The following ABCA1 variants were observed in gnomAD, a reference collection of about 807,000 sequenced individuals.
The protein encoded by ABCA1 is ATP binding cassette subfamily A member 1.
ABCA1 carries 133 observed loss-of-function variants against 262.5 expected under a neutral mutation model. The ratio of observed to expected loss-of-function variants is 0.51; its 90% CI spans 0.44 to 0.59. The LOEUF (loss-of-function observed/expected upper bound fraction) is 0.59. Among genes scored for constraint, ABCA1 ranks in the 20% least tolerant of loss-of-function variants. ABCA1 has a pLI of 0.00. For synonymous variants in ABCA1, 1,022 were observed against 1,043.5 expected, an observed-to-expected ratio of 0.98 and a Z score of 0.40; for missense variants, 2,452 against 2,777.5, an observed-to-expected ratio of 0.88 and a Z score of 2.63.
chr9:104,845,351 T>C (rs1302557551), intron 8 of ABCA1, 126 bp downstream of exon 8: 2 of 729,034 alleles, frequency 2.7e-6, no homozygotes, highest in Non-Finnish European at 5.0e-6. Flanking sequence ...ACATCACTTA[T>C]ACTTTGAAAA....
intron 39 of ABCA1, 52 bp from the exon 40 acceptor site, chr9:104,794,562 C>G (rs373853594): frequency 6.3e-7 from 1 of 1,574,808 alleles, no homozygotes; most frequent in Non-Finnish European, 8.6e-7. Flanking sequence ...GGAGAAGAAA[C>G]GGGTGTCATT....
At chr9:104,845,803 A>C (rs1564172684) in intron 7 of ABCA1, among the ~76,000 whole-genome samples, 1 of 152,226 alleles carries the variant, frequency 6.6e-6, no homozygotes, top group Admixed American at 6.5e-5. Context: ...TATTGTACTT[A>C]AAACTAGTTA....
intron 30 of ABCA1, among the ~76,000 whole-genome samples, chr9:104,808,309 C>G (rs1830976645): frequency 6.6e-6 from 1 of 152,174 alleles, no homozygotes; most frequent in Admixed American, 6.5e-5. Context: ...CCTACAGAGC[C>G]TTCCTAAGCT....
intron 5 of ABCA1, among the ~76,000 whole-genome samples, chr9:104,862,653 CCGGG>C (rs1564198244): frequency 0.04 from 143 of 3,580 alleles, 30 homozygotes; most frequent in African/African-American, 0.15. Flanking sequence ...CCGGGCCGGG[CCGGG>C]CCGGGCCGGG....
Position 104,821,458 on chromosome 9 carries a change from G to A in ABCA1, c.2877C>T (p.Ile959=), listed in dbSNP as rs147493554. 3.7e-6 allele frequency: 6 copies of A among 1,613,984 alleles called. No homozygotes were observed. In the African/African-American group the frequency reaches 6.7e-5, roughly 18 times the overall value. ...TCTCAGAGCGAATGTCTTTTCCCAG[G>A]ATGTAGGCGGTGCCCGAGGTCGGGG... ...LFPPTSGTAY[I]LGKDIRSEMS... is the part of the protein sequence containing the mutation. The change falls in exon 20 of 50, where the codon ATC becomes ATT. Residue 959 remains isoleucine, a synonymous_variant. Coordinates refer to ENST00000374736, the MANE Select transcript of ABCA1 (RefSeq NM_005502.4).
At chr9:104,889,939 A>G (rs1430657973) in intron 2 of ABCA1, among the ~76,000 whole-genome samples, 3 of 152,220 alleles carry the variant, frequency 2.0e-5, no homozygotes, top group African/African-American at 7.2e-5. Flanking sequence ...ACTTCTAAAC[A>G]AGCATGATAC....
chr9:104,847,183 T>C (rs1834965423), intron 7 of ABCA1, among the ~76,000 whole-genome samples: 1 of 152,160 alleles, frequency 6.6e-6, no homozygotes, highest in Non-Finnish European at 1.5e-5. Flanking sequence ...ATCCACTTCT[T>C]TTATAAGGAC....
intron 1 of ABCA1, among the ~76,000 whole-genome samples, chr9:104,922,531 C>T (rs549174416): frequency 7.7e-4 from 117 of 152,288 alleles, no homozygotes; most frequent in Middle Eastern, 3.4e-3. Context: ...ATAAAAGCAC[C>T]TATTTCACTC....
chr9:104,851,086 G>C (rs1016843360), intron 7 of ABCA1, among the ~76,000 whole-genome samples: 1 of 152,162 alleles, frequency 6.6e-6, no homozygotes, highest in Non-Finnish European at 1.5e-5. Context: ...AACATACCAT[G>C]TTTCCTAAAA....
intron 2 of ABCA1, among the ~76,000 whole-genome samples, chr9:104,903,380 G>C (rs1564281691): frequency 6.6e-6 from 1 of 152,124 alleles, no homozygotes; most frequent in Non-Finnish European, 1.5e-5. Context: ...ACTCATGCCT[G>C]GGCAGTAGCA....
intron 30 of ABCA1, among the ~76,000 whole-genome samples, chr9:104,807,557 T>C (rs1163241980): frequency 6.6e-6 from 1 of 152,168 alleles, no homozygotes; most frequent in East Asian, 1.9e-4. Flanking sequence ...GGCTCATGCC[T>C]GTAATCCCAG....
At chr9:104,841,426 G>A (rs1158607416) in intron 8 of ABCA1, among the ~76,000 whole-genome samples, 1 of 149,612 alleles carries the variant, frequency 6.7e-6, no homozygotes, top group Non-Finnish European at 1.5e-5. Context: ...ACAAAAGCAA[G>A]ACTCAGTCTT....
intron 1 of ABCA1, among the ~76,000 whole-genome samples, chr9:104,914,453 T>C (rs996218828): frequency 4.7e-5 from 7 of 149,912 alleles, no homozygotes; most frequent in Non-Finnish European, 1.0e-4. Context: ...TGAGCCGAGA[T>C]CATGCCATTG....
chr9:104,848,047 C>T (rs1835049470), intron 7 of ABCA1, among the ~76,000 whole-genome samples: 1 of 152,190 alleles, frequency 6.6e-6, no homozygotes, highest in Admixed American at 6.5e-5. Flanking sequence ...TGTGCACACA[C>T]ACACACATAT....
chr9:104,908,596 G>A (rs979704800), intron 1 of ABCA1, among the ~76,000 whole-genome samples: 1 of 152,208 alleles, frequency 6.6e-6, no homozygotes, highest in Admixed American at 6.5e-5. Context: ...GGGAGGCGGA[G>A]GTTGCAGTGA....
rs968129219 is a variant in ABCA1, at chr9:104,792,968, C to G, written c.5637-62G>C. On this transcript the variant is annotated intron_variant, in intron 41 of 49. Coordinates refer to ENST00000374736, the MANE Select transcript of ABCA1 (RefSeq NM_005502.4). ...CTATTTTTCAGGACAAAGATTCAGTCTCTAACGTAGTATTATAAAACCTAC... is the reference window on the plus strand; with the variant it reads ...CTATTTTTCAGGACAAAGATTCAGTGTCTAACGTAGTATTATAAAACCTAC... 12 of 1,610,832 alleles carry G rather than the reference C, an allele frequency of 7.4e-6. No homozygotes were observed. In the African/African-American group the frequency reaches 1.6e-4, roughly 22 times the overall value.
chr9:104,838,290 C>T (rs1834008251), intron 9 of ABCA1, among the ~76,000 whole-genome samples: 2 of 128,498 alleles, frequency 1.6e-5, no homozygotes, highest in South Asian at 2.5e-4. Flanking sequence ...GCAACAAGAG[C>T]GAAACTCTGT....
chr9:104,810,539 C>T (rs552531634), intron 29 of ABCA1, among the ~76,000 whole-genome samples: 43 of 152,250 alleles, frequency 2.8e-4, no homozygotes, highest in African/African-American at 9.9e-4. Flanking sequence ...TGGATTATTT[C>T]ACCTAAAACA....
intron 37 of ABCA1, among the ~76,000 whole-genome samples, chr9:104,797,240 C>A (rs1282178159): frequency 6.6e-6 from 1 of 152,206 alleles, no homozygotes; most frequent in African/African-American, 2.4e-5. Context: ...ACACACAGCA[C>A]TCAGTCTGTG....
Sources: gnomAD v4.1 joint callset for allele counts (sites outside exome capture counted in the v4.1 genomes callset) on GRCh38, gnomAD v4.1.1 for gene constraint, MANE v1.5 for transcripts, NCBI Gene and HGNC (gene_info 2026-07-23, HGNC 2026-07-21) for gene names.